ANKEF1: variants seen among roughly 807,000 people sequenced by gnomAD.
ANKEF1 encodes ankyrin repeat and EF-hand domain containing 1.
A neutral mutation model predicts 65.1 loss-of-function variants in ANKEF1; 43 were observed. The observed-to-expected ratio is 0.66, with a 90% CI of 0.52 to 0.85. The LOEUF is 0.85. Among genes scored for constraint, ANKEF1 ranks in the 40% least tolerant of loss-of-function variants. The pLI, the probability that ANKEF1 is intolerant of heterozygous loss-of-function variation, is 0.00. For synonymous variants in ANKEF1, 316 were observed against 341.5 expected (o/e 0.93, Z 0.82); for missense variants, 934 against 952.9 (o/e 0.98, Z 0.26).
intron 5 of ANKEF1, 151 bp from the exon 6 acceptor site, chr20:10,045,423 A>T (rs923970512): frequency 2.6e-6 from 2 of 772,874 alleles, no homozygotes; most frequent in African/African-American, 1.8e-5. Flanking sequence ...TGAAACTTAA[A>T]TATTTTCAGT....
intron 6 of ANKEF1, among the ~76,000 whole-genome samples, chr20:10,047,749 T>C (rs755510182): frequency 2.0e-5 from 3 of 152,160 alleles, no homozygotes; most frequent in Non-Finnish European, 2.9e-5. Context: ...CAGAGGAGCA[T>C]AAGTCTCACA....
intron 5 of ANKEF1, among the ~76,000 whole-genome samples, chr20:10,044,752 CTTAT>C (rs571077884): frequency 3.2e-4 from 49 of 152,120 alleles, no homozygotes; most frequent in African/African-American, 1.1e-3. Flanking sequence ...TGCTAATTTA[CTTAT>C]TTAATATTAT....
intron 9 of ANKEF1, 74 bp from the exon 10 acceptor site, chr20:10,054,388 T>A (rs569897891): frequency 8.1e-7 from 1 of 1,236,164 alleles, no homozygotes; most frequent in South Asian, 1.8e-5. Context: ...CAGAGTAAGA[T>A]GTGAAACAGC....
intron 6 of ANKEF1, among the ~76,000 whole-genome samples, chr20:10,047,729 AACT>A (rs1984600609): frequency 6.6e-6 from 1 of 152,206 alleles, no homozygotes; most frequent in African/African-American, 2.4e-5. Flanking sequence ...GAAGTTGAAC[AACT>A]TTACCACAGA....
rs748848277 is a variant in ANKEF1, at chr20:10,044,433, G to A, written c.586G>A (p.Gly196Arg). 2.7e-5 allele frequency: 44 copies of A among 1,613,976 alleles called. No individual in the cohort carries two copies. The South Asian group carries it at 4.3e-4, about 16-fold the overall frequency. ...AGCTTTAATGGAAGCGTCAAGAGAA[G>A]GGGTAGTGGAAATAGTTCGAGGCAT... ...RTALMEASRE[G>R]VVEIVRGILE... is the part of the protein sequence containing the mutation. The change falls in exon 5 of 11, where the codon GGG (glycine) becomes AGG (arginine). Residue 196 changes from glycine (G) to arginine (R), a missense_variant. Coordinates refer to ENST00000378392, the MANE Select transcript of ANKEF1 (RefSeq NM_022096.6).
chr20:10,054,780 C>T (rs756345805), intron 10 of ANKEF1, among the ~76,000 whole-genome samples, 181 bp downstream of exon 10: 4 of 152,146 alleles, frequency 2.6e-5, no homozygotes, highest in African/African-American at 4.8e-5. Flanking sequence ...TGATAGCTCC[C>T]GGCATCTAGT....
intron 6 of ANKEF1, among the ~76,000 whole-genome samples, chr20:10,047,670 C>T (rs1600518267): frequency 6.6e-6 from 1 of 152,194 alleles, no homozygotes; most frequent in East Asian, 1.9e-4. Flanking sequence ...TCCTCCTCCT[C>T]CTCTTCCTGG....
In ANKEF1 at chr20:10,049,640, C is replaced by A. The variant is rs937679166; in HGVS notation, c.1071C>A (p.Asn357Lys). ...LDRGDGSISK[N>K]DFVMVLEERQ... ...GGGGTGATGGAAGCATCAGCAAGAA[C>A]GACTTCGTGATGGTGTTGGAGGAAA... Residue 357 changes from asparagine to lysine, a missense_variant, in exon 7 of 11, where the codon AAC (asparagine) becomes AAA (lysine). Asn to Lys is a moderately conservative substitution (Grantham distance 94). Transcript: ENST00000378392. 2.5e-6 allele frequency: 4 copies of A among 1,613,924 alleles called. No homozygotes were observed. The highest frequency in any genetic ancestry group is 3.4e-6 in the Non-Finnish European group (4 of 1,180,008).
intron 3 of ANKEF1, 89 bp downstream of exon 3, chr20:10,038,736 A>G: frequency 3.0e-6 from 3 of 1,009,064 alleles, no homozygotes; most frequent in Non-Finnish European, 4.3e-6. Flanking sequence ...TTCCAACTTT[A>G]GAAGTGAATT....
At chr20:10,039,490 A>G (rs1568509620) in intron 3 of ANKEF1, among the ~76,000 whole-genome samples, 1 of 152,238 alleles carries the variant, frequency 6.6e-6, no homozygotes, top group African/African-American at 2.4e-5. Context: ...CTACTTTTCT[A>G]ACTCTCTCCA....
rs1984740260 is a variant in ANKEF1 at position 10,049,794 on chromosome 20, G to A, written c.1225G>A (p.Gly409Arg). The A allele has an allele frequency of 1.2e-6, 2 of 1,614,084 alleles. No individual in the cohort carries two copies. Among genetic ancestry groups the A allele is most frequent in the South Asian group, 1.1e-5 (1 of 91,084 alleles). ...ATATTTAAACAAGTCTTTTGTCTTAGGATCGTATGGACCTAAGAAAAAGGA... is the reference window on the plus strand; with the variant it reads ...ATATTTAAACAAGTCTTTTGTCTTAAGATCGTATGGACCTAAGAAAAAGGA... ...TRYLNKSFVL[G>R]SYGPKKKEKG... Residue 409 changes from glycine (G) to arginine (R), a missense_variant, in exon 7 of 11, where the codon GGA becomes AGA. By Grantham distance (125) the Gly-to-Arg change is moderately radical. Coordinates refer to ENST00000378392, the MANE Select transcript of ANKEF1 (RefSeq NM_022096.6).
Position 10,051,882 on chromosome 20 carries a change from T to C in ANKEF1, c.1863T>C (p.Asn621=). ...LDIGAKFQLE[N]RKGHSAMDVA... Reference sequence around the variant, plus strand: ...TTGGTGCTAAATTCCAGCTGGAAAATAGAAAAGGTATGCGTTCATATTATT... The same window carrying C: ...TTGGTGCTAAATTCCAGCTGGAAAACAGAAAAGGTATGCGTTCATATTATT... Residue 621 remains asparagine, a synonymous_variant, in exon 8 of 11, where the codon AAT becomes AAC. Coordinates refer to ENST00000378392, the MANE Select transcript of ANKEF1 (RefSeq NM_022096.6). The C allele has an allele frequency of 1.2e-6, 2 of 1,606,236 alleles. No individual in the cohort carries two copies. The highest frequency in any genetic ancestry group is 1.1e-5 in the South Asian group (1 of 90,640).
Position 10,057,874 on chromosome 20 carries a change from C to A in ANKEF1, c.*2214C>A, listed in dbSNP as rs893599029. On this transcript the variant is annotated 3_prime_UTR_variant, in exon 11 of 11. Transcript: ENST00000378392. ...CTCTTTAGTCTCTTTTAGTTTAGAA[C>A]AACCTGTATTTCTTGTTTGTTTGTT... is the stretch of plus-strand genomic sequence containing the variant. The A allele has an allele frequency of 1.4e-5, 2 of 146,150 alleles. No homozygotes were observed. Among genetic ancestry groups the A allele is most frequent in the Non-Finnish European group, 3.0e-5 (2 of 65,900 alleles). The allele number at this position is 146,150 out of a possible 1,614,324, so 9.1% of individuals were successfully genotyped here.
rs524625 is a variant in ANKEF1 at position 10,049,804 on chromosome 20, G to A, written c.1235G>A (p.Gly412Glu). The stretch of plus-strand genomic sequence containing the variant: ...AAGTCTTTTGTCTTAGGATCGTATG[G>A]ACCTAAGAAAAAGGAAAAAGGGATG... ...LNKSFVLGSY[G>E]PKKKEKGMGK... Residue 412 changes from glycine (G) to glutamate (E), a missense_variant, in exon 7 of 11, where the codon GGA becomes GAA. Physicochemically the swap from Gly to Glu is moderately conservative, Grantham distance 98 (BLOSUM62 -2). Coordinates refer to ENST00000378392, the MANE Select transcript of ANKEF1 (RefSeq NM_022096.6). The A allele has an allele frequency of 0.24, 379,754 of 1,613,720 alleles. 46,548 individuals are homozygous for A. The highest frequency in any genetic ancestry group is 0.28 in the Middle Eastern group (1,726 of 6,060).
rs772103057 is a variant in ANKEF1, at chr20:10,038,424, TTATACAGAACCCATTAA to T, written c.125_141del (p.Tyr42TrpfsTer3). The T allele has an allele frequency of 5.0e-6, 8 of 1,614,124 alleles. No homozygotes were observed. In the Admixed American group the frequency reaches 1.2e-4, roughly 24 times the overall value. On this transcript the variant is annotated frameshift_variant, in exon 3 of 11. Coordinates refer to ENST00000378392, the MANE Select transcript of ANKEF1 (RefSeq NM_022096.6). LOFTEE classifies it high-confidence loss of function. ...AGCTTGGATACCCTGAACTAATCAA[TTATACAGAACCCATTAA>T]TGGACTTAGTGCTTTGCACTTAGCC...
In ANKEF1 at chr20:10,044,549, A is replaced by G; in HGVS notation, c.696+6A>G. The G allele has an allele frequency of 6.2e-7, 1 of 1,613,386 alleles. No individual in the cohort carries two copies. The highest frequency in any genetic ancestry group is 1.1e-5 in the South Asian group (1 of 91,044). On this transcript the variant is annotated splice_donor_region_variant and intron_variant, in intron 5 of 10. Coordinates refer to ENST00000378392, the MANE Select transcript of ANKEF1 (RefSeq NM_022096.6). ...CTAAAGGAGGCTTTTTCGATGTAAT[A>G]ATCTATTCTTTGCTTTAAAATTTGT... is the stretch of plus-strand genomic sequence containing the variant.
At position 10,043,271 on chromosome 20, in the gene ANKEF1, G is replaced by A. The variant is rs766548540; in HGVS notation, c.496G>A (p.Val166Met). ...TGAAGATGCACATGATGTTAAAGAT[G>A]TGTGCCTGACATTTTTGGAAAAAGG... ...ACEDAHDVKD[V>M]CLTFLEKGAN... is the part of the protein sequence containing the mutation. Residue 166 changes from valine to methionine, a missense_variant, in exon 4 of 11, where the codon GTG (valine) becomes ATG (methionine). Transcript: ENST00000378392. 1.9e-6 allele frequency: 3 copies of A among 1,614,168 alleles called. No homozygotes were observed. The South Asian group carries it at 3.3e-5, about 18-fold the overall frequency.
At chr20:10,052,491 A>T (rs1192807159) in intron 8 of ANKEF1, among the ~76,000 whole-genome samples, 2 of 152,190 alleles carry the variant, frequency 1.3e-5, no homozygotes, top group East Asian at 1.9e-4. Context: ...AGGAAAAATT[A>T]AAAAATCATT....
At chr20:10,050,277 G>C in intron 7 of ANKEF1, 65 bp downstream of exon 7, 2 of 1,353,392 alleles carry the variant, frequency 1.5e-6, no homozygotes, top group Admixed American at 4.7e-5. Context: ...GAAGTGAAAA[G>C]ATGACCGAAT....
Sources: allele counts gnomAD v4.1 joint callset (sites outside exome capture counted in the v4.1 genomes callset), GRCh38; gene constraint gnomAD v4.1.1; transcripts MANE v1.5; gene names NCBI Gene and HGNC (gene_info 2026-07-23, HGNC 2026-07-21).